TTC17: variants seen among roughly 807,000 people sequenced by gnomAD.
TTC17 encodes tetratricopeptide repeat domain 17.
A neutral mutation model predicts 143.8 loss-of-function variants in TTC17; 58 were observed. The observed-to-expected ratio is 0.40, with a 90% CI of 0.33 to 0.50. The LOEUF (loss-of-function observed/expected upper bound fraction) is 0.50, where lower values mean the gene tolerates loss of function less well. Ranked by LOEUF, TTC17 falls within the 20% of genes least tolerant of loss-of-function variation. The pLI is 0.49. For synonymous variants in TTC17, 501 were observed against 497.8 expected, an observed-to-expected ratio of 1.01 and a Z score of -0.09; for missense variants, 1,273 against 1,392.5, an observed-to-expected ratio of 0.91 and a Z score of 1.37.
At chr11:43,441,637 G>T (rs1166681702) in intron 16 of TTC17, among the ~76,000 whole-genome samples, 1 of 152,034 alleles carries the variant, frequency 6.6e-6, no homozygotes, top group Non-Finnish European at 1.5e-5. Flanking sequence ...CCTGTGAGGA[G>T]AAAATATAAA....
intron 18 of TTC17, 40 bp downstream of exon 18, chr11:43,444,249 A>C: frequency 6.4e-7 from 1 of 1,565,798 alleles, no homozygotes; most frequent in East Asian, 2.3e-5. Context: ...CTTGTTTTAG[A>C]TGTCACTATC....
intron 1 of TTC17, among the ~76,000 whole-genome samples, chr11:43,369,019 CT>C (rs1347202168): frequency 6.6e-6 from 1 of 152,230 alleles, no homozygotes; most frequent in Non-Finnish European, 1.5e-5. Context: ...TTTCAGGTCT[CT>C]TTTCACATGT....
In TTC17 at chr11:43,405,798, C is replaced by T; in HGVS notation, c.1608C>T (p.Leu536=). ...PENKGLRIHE[L]SSDDYSTEEE... is the part of the protein sequence containing the mutation. ...TTTCTTGTGCCAGGATCCACGAACTCAGCAGTGATGATTATTCTACAGAAG... is the reference window on the plus strand; with the variant it reads ...TTTCTTGTGCCAGGATCCACGAACTTAGCAGTGATGATTATTCTACAGAAG... The change falls in exon 13 of 24, where the codon CTC becomes CTT. Residue 536 remains leucine (L), a synonymous_variant. Coordinates refer to ENST00000039989, the MANE Select transcript of TTC17 (RefSeq NM_018259.6). 1 of 1,613,926 alleles carries T rather than the reference C, an allele frequency of 6.2e-7. No individual in the cohort carries two copies. The highest frequency in any genetic ancestry group is 1.1e-5 in the South Asian group (1 of 91,056).
In TTC17 at chr11:43,492,062, A is replaced by T; in HGVS notation, c.3193A>T (p.Lys1065Ter). 5.6e-6 allele frequency: 9 copies of T among 1,614,122 alleles called. No individual in the cohort carries two copies. The highest frequency in any genetic ancestry group is 6.8e-6 in the Non-Finnish European group (8 of 1,179,996). Residue 1065 changes from lysine to a stop codon, truncating the protein, a stop_gained, in exon 23 of 24, where the codon AAG becomes TAG. Coordinates refer to ENST00000039989, the MANE Select transcript of TTC17 (RefSeq NM_018259.6). LOFTEE classifies it high-confidence loss of function. ...ISLANILHNA[K>*]LWNDAVIVAT... The stretch of plus-strand genomic sequence containing the variant: ...CCTGGCCAACATCTTGCACAATGCC[A>T]AGCTCTGGAATGACGCCGTCATAGT...
At chr11:43,451,324 G>A in intron 21 of TTC17, 59 bp downstream of exon 21, 1 of 1,522,178 alleles carries the variant, frequency 6.6e-7, no homozygotes, top group East Asian at 2.3e-5. Context: ...TCTTTTCTAA[G>A]TTATTTGCTC....
At chr11:43,463,161 G>A (rs766211366) in intron 21 of TTC17, among the ~76,000 whole-genome samples, 9 of 151,948 alleles carry the variant, frequency 5.9e-5, no homozygotes, top group Non-Finnish European at 8.8e-5. Context: ...TGATCCACCC[G>A]CCTCAGCCTC....
intron 16 of TTC17, among the ~76,000 whole-genome samples, chr11:43,432,578 A>T (rs1947182849): frequency 6.6e-6 from 1 of 152,228 alleles, no homozygotes; most frequent in Non-Finnish European, 1.5e-5. Flanking sequence ...CTTTAAAGAA[A>T]ACTCATACCT....
intron 21 of TTC17, among the ~76,000 whole-genome samples, chr11:43,463,525 C>A (rs1947911697): frequency 6.6e-6 from 1 of 150,682 alleles, no homozygotes; most frequent in African/African-American, 2.4e-5. Flanking sequence ...TTTTAATCTC[C>A]AAAATTTAAA....
chr11:43,478,907 G>A (rs536217310), intron 21 of TTC17, among the ~76,000 whole-genome samples: 1 of 152,116 alleles, frequency 6.6e-6, no homozygotes, highest in Non-Finnish European at 1.5e-5. Flanking sequence ...AGATAACAAG[G>A]TGTGAGCCAC....
chr11:43,393,930 T>G (rs1316149259), intron 5 of TTC17, among the ~76,000 whole-genome samples: 2 of 152,226 alleles, frequency 1.3e-5, no homozygotes, highest in Non-Finnish European at 2.9e-5. Flanking sequence ...CTTCCTGCCT[T>G]GCATATGGCT....
At chr11:43,377,185 C>T (rs982663278) in intron 1 of TTC17, among the ~76,000 whole-genome samples, 1 of 151,982 alleles carries the variant, frequency 6.6e-6, no homozygotes, top group Non-Finnish European at 1.5e-5. Flanking sequence ...CCCAGCTACT[C>T]GGGAGGCTAA....
chr11:43,479,997 G>A (rs535739691), intron 21 of TTC17, among the ~76,000 whole-genome samples: 2 of 152,244 alleles, frequency 1.3e-5, no homozygotes, highest in South Asian at 2.1e-4. Context: ...ATGCAAATAG[G>A]AAGAAAGAAG....
At chr11:43,457,756 G>C (rs1390318459) in intron 21 of TTC17, among the ~76,000 whole-genome samples, 1 of 151,990 alleles carries the variant, frequency 6.6e-6, no homozygotes, top group Non-Finnish European at 1.5e-5. Context: ...AAAATATACA[G>C]ACAGAACCAC....
chr11:43,419,795 A>T (rs1415301194), intron 16 of TTC17, among the ~76,000 whole-genome samples: 1 of 152,094 alleles, frequency 6.6e-6, no homozygotes, highest in Non-Finnish European at 1.5e-5. Flanking sequence ...GGCTCAGGCA[A>T]TCCTCCCATC....
At chr11:43,426,968 G>T (rs529991320) in intron 16 of TTC17, among the ~76,000 whole-genome samples, 1 of 152,110 alleles carries the variant, frequency 6.6e-6, no homozygotes, top group South Asian at 2.1e-4. Flanking sequence ...AAGGTCTGTT[G>T]GTTTAAATAT....
chr11:43,439,469 G>T lies in TTC17; in HGVS notation c.2252-3856G>T, dbSNP rs369728978. On this transcript the variant is annotated intron_variant, in intron 16 of 23. Coordinates refer to ENST00000039989, the MANE Select transcript of TTC17 (RefSeq NM_018259.6). ...ATAGCTTCATGTCTTGTTTTTTTTT[G>T]GTTTTTTTTTTTTTTTGAGATGGAG... 2.9e-3 allele frequency among the ~76,000 whole-genome samples: 426 copies of T among 147,644 alleles called. 2 individuals carry two copies. The highest frequency in any genetic ancestry group is 9.8e-3 in the African/African-American group (392 of 40,092).
chr11:43,403,604 C>T (rs1297243278), intron 10 of TTC17, among the ~76,000 whole-genome samples: 1 of 152,110 alleles, frequency 6.6e-6, no homozygotes, highest in African/African-American at 2.4e-5. Context: ...CTTAAGTTCC[C>T]TCGCCTCTAC....
At chr11:43,380,978 T>C (rs976781897) in intron 2 of TTC17, among the ~76,000 whole-genome samples, 1 of 152,160 alleles carries the variant, frequency 6.6e-6, no homozygotes, top group Non-Finnish European at 1.5e-5. Flanking sequence ...AAAAAAATTT[T>C]TTTTTCAGGT....
At position 43,395,677 on chromosome 11, in the gene TTC17, T is replaced by C. The variant is rs1857559890; in HGVS notation, c.664-1032T>C. ...ATACTTTTCTTGAAGATAGAATACT[T>C]AAGGATGAATAATGCAGGATTGTAC... On this transcript the variant is annotated intron_variant, in intron 5 of 23. Coordinates refer to ENST00000039989, the MANE Select transcript of TTC17 (RefSeq NM_018259.6). Among the ~76,000 whole-genome samples the C allele has an allele frequency of 2.0e-5, 3 of 152,176 alleles. No individual in the cohort carries two copies. In the South Asian group the frequency reaches 6.2e-4, roughly 32 times the overall value.
Sources: gnomAD v4.1 joint callset for allele counts (sites outside exome capture counted in the v4.1 genomes callset) on GRCh38, gnomAD v4.1.1 for gene constraint, MANE v1.5 for transcripts, NCBI Gene and HGNC (gene_info 2026-07-23, HGNC 2026-07-21) for gene names.